DOCK9: variants seen among roughly 807,000 people sequenced by gnomAD.
DOCK9 encodes the protein dedicator of cytokinesis 9, also known as dedicator of cytokinesis protein 9.
Under a neutral mutation model 263.3 loss-of-function variants are expected in DOCK9, and 89 were observed. The observed-to-expected ratio is 0.34, with a 90% confidence interval of 0.28 to 0.40. DOCK9 has a LOEUF of 0.40. Ranked by LOEUF, DOCK9 falls within the 10% of genes least tolerant of loss-of-function variation. DOCK9 has a pLI of 1.00. For synonymous variants in DOCK9, 976 were observed against 973.1 expected (o/e 1.00, Z -0.06); for missense variants, 2,140 against 2,603.4 (o/e 0.82, Z 3.87).
chr13:98,834,042 G>T (rs2092887231), intron 39 of DOCK9, among the ~76,000 whole-genome samples: 1 of 152,180 alleles, frequency 6.6e-6, no homozygotes, highest in Admixed American at 6.5e-5. Context: ...TGACATATTA[G>T]AATAATATAA....
chr13:98,914,663 C>T (rs1308386299), intron 8 of DOCK9, among the ~76,000 whole-genome samples: 4 of 152,174 alleles, frequency 2.6e-5, no homozygotes, highest in Non-Finnish European at 4.4e-5. Flanking sequence ...CACATGGACA[C>T]GTCCATGAGA....
rs143450232 is a variant in DOCK9, at chr13:98,994,877, T to C, written c.130-39326A>G. 4.5e-3 allele frequency among the ~76,000 whole-genome samples: 692 copies of C among 152,272 alleles called. 4 individuals are homozygous for C. Among genetic ancestry groups the C allele is most frequent in the Middle Eastern group, 0.038 (11 of 292 alleles). On this transcript the variant is annotated intron_variant, in intron 1 of 32. Transcript: ENST00000427887. Reference sequence around the variant, plus strand: ...GTGTCAAATATATAATTATTACATATTAAAATATTCTAGAAGCTCAAAAAT... The same window carrying C: ...GTGTCAAATATATAATTATTACATACTAAAATATTCTAGAAGCTCAAAAAT...
intron 2 of DOCK9, chr13:98,950,078 G>T: frequency 2.2e-6 from 1 of 464,408 alleles, no homozygotes; most frequent in East Asian, 4.4e-5. Flanking sequence ...AGGCTCTTTG[G>T]GGTGACTTTT....
chr13:98,955,003 C>T (rs2140974480), intron 2 of DOCK9, among the ~76,000 whole-genome samples: 1 of 151,938 alleles, frequency 6.6e-6, no homozygotes, highest in Non-Finnish European at 1.5e-5. Context: ...TCTTAAATAA[C>T]ATCTTATTTT....
At chr13:99,001,415 T>A (rs1485367851) in intron 1 of DOCK9, among the ~76,000 whole-genome samples, 1 of 152,330 alleles carries the variant, frequency 6.6e-6, no homozygotes, top group African/African-American at 2.4e-5. Context: ...CTTTTCATCC[T>A]CTTTCTGCCA....
chr13:98,893,505 A>T (rs959948042), intron 15 of DOCK9, among the ~76,000 whole-genome samples: 10 of 152,236 alleles, frequency 6.6e-5, no homozygotes, highest in African/African-American at 2.4e-4. Flanking sequence ...ATCGGACAGA[A>T]TCGCTTTCTT....
intron 15 of DOCK9, among the ~76,000 whole-genome samples, chr13:98,895,033 C>T (rs1229292483): frequency 6.7e-6 from 1 of 148,630 alleles, no homozygotes; most frequent in East Asian, 2.0e-4. Flanking sequence ...GGAGTCCCAG[C>T]TACTCAGGAG....
At chr13:98,915,236 T>C in intron 8 of DOCK9, 93 bp downstream of exon 8, 1 of 1,265,946 alleles carries the variant, frequency 7.9e-7, no homozygotes, top group Non-Finnish European at 1.1e-6. Context: ...CTCATGTACT[T>C]GTGTAACACA....
chr13:98,928,954 T>C (rs557933190), intron 3 of DOCK9, among the ~76,000 whole-genome samples: 56 of 152,322 alleles, frequency 3.7e-4, no homozygotes, highest in Non-Finnish European at 7.3e-4. Flanking sequence ...AATTTTTTAA[T>C]TTTATATTTA....
At position 98,805,759 on chromosome 13, in the gene DOCK9, G is replaced by A. The variant is rs548139471; in HGVS notation, c.5515-550C>T. On this transcript the variant is annotated intron_variant, in intron 48 of 52. Transcript: ENST00000682017. ...TATCATTCATTTTTCCCATAACATT[G>A]AATTATTTTATTTTTTTTTGAGACA... 5.7e-4 allele frequency among the ~76,000 whole-genome samples: 87 copies of A among 152,046 alleles called. No homozygotes were observed. In the South Asian group the frequency reaches 0.017, roughly 30 times the overall value.
At chr13:99,063,189 C>T (rs2041269265) in intron 1 of DOCK9, among the ~76,000 whole-genome samples, 1 of 152,174 alleles carries the variant, frequency 6.6e-6, no homozygotes, top group African/African-American at 2.4e-5. Context: ...TAGACAGAGG[C>T]AAGGTAGAAA....
chr13:98,873,038 A>T (rs1454132588), intron 27 of DOCK9, among the ~76,000 whole-genome samples: 1 of 152,138 alleles, frequency 6.6e-6, no homozygotes, highest in East Asian at 1.9e-4. Flanking sequence ...GGCCTCTCCA[A>T]TGCCTTGCTC....
intron 9 of DOCK9, among the ~76,000 whole-genome samples, chr13:98,907,306 GT>G (rs1392500271): frequency 5.3e-5 from 8 of 152,176 alleles, no homozygotes; most frequent in African/African-American, 1.9e-4. Flanking sequence ...GGCAAATACT[GT>G]GTTATGTTCT....
chr13:99,050,160 A>G (rs2040618756), intron 1 of DOCK9, among the ~76,000 whole-genome samples: 1 of 152,220 alleles, frequency 6.6e-6, no homozygotes, highest in Non-Finnish European at 1.5e-5. Flanking sequence ...ACAAATCAAA[A>G]ATGGAAAGAC....
intron 13 of DOCK9, among the ~76,000 whole-genome samples, chr13:98,901,259 A>C (rs1406840222): frequency 6.6e-6 from 1 of 152,194 alleles, no homozygotes; most frequent in Non-Finnish European, 1.5e-5. Context: ...CACTACTTTG[A>C]AAAAAACCAA....
At chr13:98,936,592 C>T (rs2054867541) in intron 2 of DOCK9, among the ~76,000 whole-genome samples, 1 of 149,990 alleles carries the variant, frequency 6.7e-6, no homozygotes. Flanking sequence ...TGTACTACAG[C>T]CTGGGTGATG....
intron 1 of DOCK9, among the ~76,000 whole-genome samples, chr13:99,014,750 G>A (rs563076752): frequency 5.9e-5 from 9 of 152,296 alleles, no homozygotes; most frequent in African/African-American, 1.9e-4. Flanking sequence ...GAGAGGAGGA[G>A]ACCCATATGT....
At position 98,870,793 on chromosome 13, in the gene DOCK9, G is replaced by A. The variant is rs148230634; in HGVS notation, c.2944-2416C>T. Among the ~76,000 whole-genome samples the A allele has an allele frequency of 8.6e-5, 13 of 152,036 alleles. No individual in the cohort carries two copies. The East Asian group carries it at 2.5e-3, about 29-fold the overall frequency. ...AACCACAAGTTCACAGGGAACACGG[G>A]GCAGAGAACCACGTATGTAACACGG... is the stretch of plus-strand genomic sequence containing the variant. On this transcript the variant is annotated intron_variant, in intron 27 of 52. Transcript: ENST00000682017.
At chr13:98,883,227 T>G in intron 22 of DOCK9, 96 bp from the exon 23 acceptor site, 1 of 1,127,618 alleles carries the variant, frequency 8.9e-7, no homozygotes, top group Non-Finnish European at 1.3e-6. Context: ...TTTTTTGCTG[T>G]ATGTTGTTGT....
Sources: gnomAD v4.1 joint callset for allele counts (sites outside exome capture counted in the v4.1 genomes callset) on GRCh38, gnomAD v4.1.1 for gene constraint, MANE v1.5 for transcripts, NCBI Gene and HGNC (gene_info 2026-07-23, HGNC 2026-07-21) for gene names.